Variants in USP6NL observed in about 807,000 individuals in gnomAD.
The protein encoded by USP6NL is USP6 N-terminal like.
A neutral mutation model predicts 61.9 loss-of-function variants in USP6NL; 26 were observed. That is an observed-to-expected ratio of 0.42 (90% CI 0.31 to 0.58). The LOEUF is 0.58. Among genes scored for constraint, USP6NL ranks in the 20% least tolerant of loss-of-function variants. The pLI, the probability that USP6NL is intolerant of heterozygous loss-of-function variation, is 0.16. For synonymous variants in USP6NL, 432 were observed against 390.1 expected (o/e 1.11, Z -1.27); for missense variants, 1,114 against 1,034.3 (o/e 1.08, Z -1.06).
Position 11,461,783 on chromosome 10 carries a change from A to T in USP6NL, c.*658T>A, listed in dbSNP as rs2133122383. The T allele has an allele frequency of 6.6e-6, 1 of 152,386 alleles. No individual in the cohort carries two copies. Among genetic ancestry groups the T allele is most frequent in the East Asian group, 1.9e-4 (1 of 5,192 alleles). 9.4% of individuals were successfully genotyped at this position (152,386 alleles called of 1,614,324 possible). A position where few individuals can be genotyped will look rare whatever the true frequency, so the allele number is the denominator to read the frequency against. ...TGTCTTTAATTTTCAGATTGAAAGA[A>T]AATGGCAACAGCTGAAGGAGAATGA... On this transcript the variant is annotated 3_prime_UTR_variant, in exon 15 of 15. Coordinates refer to ENST00000609104, the MANE Select transcript of USP6NL (RefSeq NM_014688.5).
chr10:11,567,537 C>G (rs1173458109), intron 2 of USP6NL, among the ~76,000 whole-genome samples: 2 of 152,122 alleles, frequency 1.3e-5, no homozygotes, highest in Admixed American at 1.3e-4. Flanking sequence ...AATAAATATA[C>G]TGCTTATAGT....
intron 2 of USP6NL, 46 bp from the exon 3 acceptor site, chr10:11,527,613 C>A: frequency 1.3e-6 from 2 of 1,514,980 alleles, no homozygotes; most frequent in South Asian, 1.2e-5. Flanking sequence ...TTGAAAGAAT[C>A]GTAAAGTTAA....
At position 11,482,696 on chromosome 10, in the gene USP6NL, A is replaced by C. The variant is rs564989329; in HGVS notation, c.926-774T>G. Among the ~76,000 whole-genome samples, 1 of 152,238 alleles carries C rather than the reference A, an allele frequency of 6.6e-6. No individual in the cohort carries two copies. Among genetic ancestry groups the C allele is most frequent in the African/African-American group, 2.4e-5 (1 of 41,552 alleles). On this transcript the variant is annotated intron_variant, in intron 13 of 14. Transcript: ENST00000609104. This position sits in a 1 kb window ranked among gnomAD's most constrained non-coding sequence, Gnocchi z 4.0. ...CTTAAACAGTCTTCTATTAATGGTC[A>C]TTTAGGTGGTTTTTGATTTTTTATT...
intron 2 of USP6NL, among the ~76,000 whole-genome samples, chr10:11,552,803 A>G (rs574920948): frequency 6.6e-6 from 1 of 152,304 alleles, no homozygotes; most frequent in African/African-American, 2.4e-5. Flanking sequence ...CTTAAATACA[A>G]AAGCTTTGCT....
chr10:11,583,632 T>C (rs1837865245), intron 2 of USP6NL, among the ~76,000 whole-genome samples: 1 of 152,216 alleles, frequency 6.6e-6, no homozygotes, highest in Non-Finnish European at 1.5e-5. Context: ...TAAATATGAC[T>C]TCATTTTCAA....
At chr10:11,599,728 C>CTTTTT (rs1167014471) in intron 1 of USP6NL, among the ~76,000 whole-genome samples, 2 of 135,726 alleles carry the variant, frequency 1.5e-5, no homozygotes, top group Non-Finnish European at 3.2e-5. Flanking sequence ...CTCCAACCTA[C>CTTTTT]TTTTTTTTTT....
intron 13 of USP6NL, among the ~76,000 whole-genome samples, chr10:11,484,359 C>T (rs992695579): frequency 8.0e-5 from 12 of 150,234 alleles, no homozygotes; most frequent in Admixed American, 4.7e-4. Context: ...TTATAGAGCC[C>T]TTAAATATAT....
intron 2 of USP6NL, among the ~76,000 whole-genome samples, chr10:11,576,415 A>AG (rs35363597): frequency 0.24 from 37,209 of 152,064 alleles, 5,713 homozygotes; most frequent in Non-Finnish European, 0.35. Context: ...CTAACCCCCA[A>AG]GGTGATGGTA....
Position 11,510,265 on chromosome 10 carries a change from G to A in USP6NL, c.196-590C>T, listed in dbSNP as rs979093492. 2.0e-5 allele frequency among the ~76,000 whole-genome samples: 3 copies of A among 152,210 alleles called. No individual in the cohort carries two copies. The highest frequency in any genetic ancestry group is 1.5e-5 in the Non-Finnish European group (1 of 68,044). Reference sequence around the variant, plus strand: ...GTTGTGGCAGGCACTGGCACAGGCAGGAAGGGCCACGGCAGAAGGGGCAGT... The same window carrying A: ...GTTGTGGCAGGCACTGGCACAGGCAAGAAGGGCCACGGCAGAAGGGGCAGT... On this transcript the variant is annotated intron_variant, in intron 5 of 14. Coordinates refer to ENST00000609104, the MANE Select transcript of USP6NL (RefSeq NM_014688.5). The surrounding 1 kb of genome is among the most constrained non-coding windows in gnomAD (Gnocchi z 4.8).
At position 11,463,949 on chromosome 10, in the gene USP6NL, C is replaced by G; in HGVS notation, c.1079-100G>C. 1 of 1,106,388 alleles carries G rather than the reference C, an allele frequency of 9.0e-7. No individual in the cohort carries two copies. The highest frequency in any genetic ancestry group is 2.6e-5 in the East Asian group (1 of 38,312). 68.5% of individuals were successfully genotyped at this position (1,106,388 alleles called of 1,614,324 possible). On this transcript the variant is annotated intron_variant, in intron 14 of 14. Transcript: ENST00000609104. The surrounding 1 kb of genome is among the most constrained non-coding windows in gnomAD (Gnocchi z 6.3). Reference sequence around the variant, plus strand: ...CAATGGCATGCTTTTCATCTGTGCACAGATACACGCTGACATACAACACAC... The same window carrying G: ...CAATGGCATGCTTTTCATCTGTGCAGAGATACACGCTGACATACAACACAC...
rs1833527083 is a variant in USP6NL, at chr10:11,487,654, G to A, written c.664+1448C>T. 6.6e-6 allele frequency among the ~76,000 whole-genome samples: 1 copy of A among 152,032 alleles called. No individual in the cohort carries two copies. Among genetic ancestry groups the A allele is most frequent in the African/African-American group, 2.4e-5 (1 of 41,392 alleles). The stretch of plus-strand genomic sequence containing the variant: ...CCTTTTGGAATGATACTGCCTACTG[G>A]ATGGCAACTCAATATAATAACATGT... On this transcript the variant is annotated intron_variant, in intron 10 of 14. Transcript: ENST00000609104. This position sits in a 1 kb window ranked among gnomAD's most constrained non-coding sequence, Gnocchi z 4.2.
In USP6NL at chr10:11,520,956, A is replaced by G. The variant is rs374198177; in HGVS notation, c.156-2382T>C. Among the ~76,000 whole-genome samples the G allele has an allele frequency of 5.3e-5, 8 of 152,356 alleles. No homozygotes were observed. In the East Asian group the frequency reaches 1.5e-3, roughly 29 times the overall value. ...AACACCAAGCTGATAGCAAGTACCT[A>G]TATCTCACAGAAATACAGTAAGGGA... On this transcript the variant is annotated intron_variant, in intron 4 of 14. Coordinates refer to ENST00000609104, the MANE Select transcript of USP6NL (RefSeq NM_014688.5). This position sits in a 1 kb window ranked among gnomAD's most constrained non-coding sequence, Gnocchi z 5.2.
rs945194339 is a variant in USP6NL at position 11,470,317 on chromosome 10, A to C, written c.1079-6468T>G. On this transcript the variant is annotated intron_variant, in intron 14 of 14. Transcript: ENST00000609104. The surrounding 1 kb of genome is among the most constrained non-coding windows in gnomAD (Gnocchi z 5.4). ...GGCTTTTCACAGCCTCTGTAGGGAC[A>C]GAGGCCTCGGCTCCACCAGCAATAC... Among the ~76,000 whole-genome samples the C allele has an allele frequency of 2.0e-5, 3 of 152,300 alleles. No individual in the cohort carries two copies. Among genetic ancestry groups the C allele is most frequent in the East Asian group, 3.9e-4 (2 of 5,184 alleles).
chr10:11,532,287 C>G lies in USP6NL; in HGVS notation c.5-4720G>C. 6.7e-7 allele frequency: 1 copy of G among 1,484,036 alleles called. No homozygotes were observed. Among genetic ancestry groups the G allele is most frequent in the African/African-American group, 1.4e-5 (1 of 71,172 alleles). 91.9% of individuals were successfully genotyped at this position (1,484,036 alleles called of 1,614,324 possible). On this transcript the variant is annotated intron_variant, in intron 2 of 14. Coordinates refer to ENST00000609104, the MANE Select transcript of USP6NL (RefSeq NM_014688.5). The surrounding 1 kb of genome is among the most constrained non-coding windows in gnomAD (Gnocchi z 4.1). ...TATTATTTTATAGTTCTCGAACACA[C>G]CAAGAGTGCTGCCCGGCGGTACCTC...
chr10:11,501,087 C>T lies in USP6NL; in HGVS notation c.384+14G>A, dbSNP rs3781056. 0.15 allele frequency: 225,256 copies of T among 1,550,948 alleles called. 17,977 individuals carry two copies. Among genetic ancestry groups the T allele is most frequent in the East Asian group, 0.17 (7,604 of 44,434 alleles). ...TTTTAATTTCAAAATAACAAGTTAG[C>T]TTTAGCTACTCACACTATACAGGTC... On this transcript the variant is annotated intron_variant, in intron 7 of 14. Coordinates refer to ENST00000609104, the MANE Select transcript of USP6NL (RefSeq NM_014688.5).
At position 11,463,918 on chromosome 10, in the gene USP6NL, T is replaced by C. The variant is rs2133141479; in HGVS notation, c.1079-69A>G. ...ACAGTAGCCAGTTGAAGCAATCCAT[T>C]AGTAACAATGGCATGCTTTTCATCT... On this transcript the variant is annotated intron_variant, in intron 14 of 14. Coordinates refer to ENST00000609104, the MANE Select transcript of USP6NL (RefSeq NM_014688.5). This position sits in a 1 kb window ranked among gnomAD's most constrained non-coding sequence, Gnocchi z 6.3. The C allele has an allele frequency of 1.5e-6, 2 of 1,374,616 alleles. No individual in the cohort carries two copies. Among genetic ancestry groups the C allele is most frequent in the Non-Finnish European group, 1.9e-6 (2 of 1,030,246 alleles). 85.2% of individuals were successfully genotyped at this position (1,374,616 alleles called of 1,614,324 possible). A position where few individuals can be genotyped will look rare whatever the true frequency, so the allele number is the denominator to read the frequency against.
At chr10:11,503,689 A>C (rs772697882) in intron 6 of USP6NL, among the ~76,000 whole-genome samples, 20 of 152,232 alleles carry the variant, frequency 1.3e-4, no homozygotes, top group Admixed American at 2.6e-4. Flanking sequence ...TATTTAAATA[A>C]GAAACTATTT....
chr10:11,493,180 C>T lies in USP6NL; in HGVS notation c.433G>A (p.Asp145Asn), dbSNP rs1421573774. 6.2e-7 allele frequency: 1 copy of T among 1,612,442 alleles called. No individual in the cohort carries two copies. The highest frequency in any genetic ancestry group is 1.3e-5 in the African/African-American group (1 of 74,874). The change falls in exon 8 of 15, where the codon GAC becomes AAC. Residue 145 changes from aspartate (D) to asparagine (N), a missense_variant. Transcript: ENST00000609104. ...CGAAATGTGCGGTTGACATCCAGGT[C>T]TATTTGTCTGATGTCAGGTGAACAG... Reference protein sequence around the residue: ...RGCSPDIRQIDLDVNRTFRDH... With the variant: ...RGCSPDIRQINLDVNRTFRDH...
rs1474617773 is a variant in USP6NL, at chr10:11,482,720, T to C, written c.926-798A>G. 6.6e-6 allele frequency among the ~76,000 whole-genome samples: 1 copy of C among 152,212 alleles called. No individual in the cohort carries two copies. On this transcript the variant is annotated intron_variant, in intron 13 of 14. Coordinates refer to ENST00000609104, the MANE Select transcript of USP6NL (RefSeq NM_014688.5). The surrounding 1 kb of genome is among the most constrained non-coding windows in gnomAD (Gnocchi z 4.0). ...CATTTAGGTGGTTTTTGATTTTTTA[T>C]TATTTAAAACCACTGTGTGATGAAC...
Sources: gnomAD v4.1 joint callset for allele counts (sites outside exome capture counted in the v4.1 genomes callset) on GRCh38, gnomAD v4.1.1 for gene constraint, Gnocchi (gnomAD v3.1) non-coding constraint, MANE v1.5 for transcripts, NCBI Gene and HGNC (gene_info 2026-07-23, HGNC 2026-07-21) for gene names.